Variants in CHSY3 observed in about 807,000 individuals in gnomAD.
CHSY3 encodes N-acetylgalactosaminyl-proteoglycan 3-beta-glucuronosyltransferase 3.
In CHSY3, 35 loss-of-function variants were observed where a neutral mutation model predicts 67.2. The ratio of observed to expected loss-of-function variants is 0.52; its 90% CI spans 0.40 to 0.69. The LOEUF is 0.69. Ranked by LOEUF, CHSY3 falls within the 30% of genes least tolerant of loss-of-function variation. The pLI is 0.00. For missense variants in CHSY3, 1,069 were observed against 1,138.5 expected, an observed-to-expected ratio of 0.94 and a Z score of 0.88; for synonymous variants, 474 against 434.7, an observed-to-expected ratio of 1.09 and a Z score of -1.12.
At chr5:130,074,085 T>A (rs1293365105) in intron 2 of CHSY3, among the ~76,000 whole-genome samples, 2 of 152,174 alleles carry the variant, frequency 1.3e-5, no homozygotes, top group Non-Finnish European at 2.9e-5. Flanking sequence ...TTTTGTTTTT[T>A]TTTGAGACAG....
In CHSY3 at chr5:130,022,294, G is replaced by A. The variant is rs199699420; in HGVS notation, c.1086+113934G>A. Among the ~76,000 whole-genome samples the A allele has an allele frequency of 1.6e-4, 24 of 152,024 alleles. No homozygotes were observed. In the East Asian group the frequency reaches 2.5e-3, roughly 16 times the overall value. ...TCACACTATTCTGTAGCATAGTTAC[G>A]TTGTTAGCATATATTAGCATTAACT... On this transcript the variant is annotated intron_variant, in intron 2 of 2. Coordinates refer to ENST00000305031, the MANE Select transcript of CHSY3 (RefSeq NM_175856.5).
chr5:129,944,362 G>T (rs1371017996), intron 2 of CHSY3, among the ~76,000 whole-genome samples: 1 of 151,534 alleles, frequency 6.6e-6, no homozygotes, highest in African/African-American at 2.4e-5. Context: ...TAAATTGCCT[G>T]TGATAAAGTC....
chr5:129,960,944 G>A (rs1349138909), intron 2 of CHSY3, among the ~76,000 whole-genome samples: 1 of 152,008 alleles, frequency 6.6e-6, no homozygotes, highest in Non-Finnish European at 1.5e-5. Context: ...TCTGAAAGCC[G>A]TGTCCACCAG....
intron 2 of CHSY3, among the ~76,000 whole-genome samples, chr5:129,941,339 A>G (rs1375834047): frequency 6.6e-6 from 1 of 152,214 alleles, no homozygotes; most frequent in East Asian, 1.9e-4. Context: ...CAAATGTATT[A>G]TTTACGTAAA....
rs1407907716 is a variant in CHSY3 at position 129,905,360 on chromosome 5, G to A, written c.531G>A (p.Val177=). The A allele has an allele frequency of 6.3e-7, 1 of 1,576,152 alleles. No individual in the cohort carries two copies. Residue 177 remains valine, a synonymous_variant, in exon 1 of 3, where the codon GTG becomes GTA. Coordinates refer to ENST00000305031, the MANE Select transcript of CHSY3 (RefSeq NM_175856.5). ...ARPRDFLYVG[V]MTAQKYLGSR... is the part of the protein sequence containing the mutation. ...CCCGGGACTTCCTGTACGTGGGGGTGATGACCGCGCAGAAGTACCTGGGCA... is the reference window on the plus strand; with the variant it reads ...CCCGGGACTTCCTGTACGTGGGGGTAATGACCGCGCAGAAGTACCTGGGCA...
chr5:129,952,418 C>T (rs762080464), intron 2 of CHSY3, among the ~76,000 whole-genome samples: 1 of 152,136 alleles, frequency 6.6e-6, no homozygotes, highest in Non-Finnish European at 1.5e-5. Flanking sequence ...AATATATTTA[C>T]ATAAGCAGTG....
At chr5:130,133,771 T>TAAAAAAAAAAAAAA (rs758023976) in intron 2 of CHSY3, among the ~76,000 whole-genome samples, 21 of 58,088 alleles carry the variant, frequency 3.6e-4, no homozygotes, top group African/African-American at 7.6e-4. Flanking sequence ...GACTCCGTCT[T>TAAAAAAAAAAAAAA]AAAAAAAAAA....
At chr5:129,962,775 G>A (rs1762369185) in intron 2 of CHSY3, among the ~76,000 whole-genome samples, 1 of 151,954 alleles carries the variant, frequency 6.6e-6, no homozygotes, top group Admixed American at 6.6e-5. Context: ...TAACTTGATG[G>A]CTGAATTCCG....
chr5:129,991,593 A>C (rs77583493), intron 2 of CHSY3, among the ~76,000 whole-genome samples: 1,627 of 152,258 alleles, frequency 0.011, 28 homozygotes, highest in African/African-American at 0.037. Flanking sequence ...AGTTTGTCCT[A>C]AAGTTGAGTG....
At chr5:130,070,278 T>C (rs1310897511) in intron 2 of CHSY3, among the ~76,000 whole-genome samples, 4 of 152,136 alleles carry the variant, frequency 2.6e-5, no homozygotes, top group Non-Finnish European at 5.9e-5. Flanking sequence ...TTCATTGTCA[T>C]AAAATGTTAA....
intron 2 of CHSY3, chr5:130,140,768 C>G (rs971642234): frequency 1.3e-5 from 3 of 237,378 alleles, no homozygotes; most frequent in African/African-American, 7.0e-5. Context: ...CAAGCACAAG[C>G]ACAAGAAGGA....
intron 2 of CHSY3, among the ~76,000 whole-genome samples, chr5:129,979,476 C>G (rs772923918): frequency 6.6e-6 from 1 of 151,810 alleles, no homozygotes; most frequent in African/African-American, 2.4e-5. Flanking sequence ...ATTTTTAGAA[C>G]AGTTTTTTCT....
At chr5:129,971,818 TG>T (rs1762647370) in intron 2 of CHSY3, among the ~76,000 whole-genome samples, 1 of 152,038 alleles carries the variant, frequency 6.6e-6, no homozygotes, top group African/African-American at 2.4e-5. Flanking sequence ...GGCACTGAAC[TG>T]AGAACTAGAG....
chr5:130,033,362 G>A (rs763841382), intron 2 of CHSY3, among the ~76,000 whole-genome samples: 6 of 151,950 alleles, frequency 3.9e-5, no homozygotes, highest in Non-Finnish European at 8.8e-5. Context: ...TCCCTCACTT[G>A]CCAGAGGTAG....
At chr5:130,036,348 T>C (rs1235485828) in intron 2 of CHSY3, among the ~76,000 whole-genome samples, 2 of 152,154 alleles carry the variant, frequency 1.3e-5, no homozygotes, top group South Asian at 2.1e-4. Context: ...CTAGTATATC[T>C]CTTCCATAAC....
rs527300961 is a variant in CHSY3 at position 129,904,696 on chromosome 5, C to G, written c.-134C>G. On this transcript the variant is annotated 5_prime_UTR_variant, in exon 1 of 3. Transcript: ENST00000305031. ...CGTCCGCGGCGCTTCGACCTCCAGC[C>G]GGTGTCGGCGCCTAGGCGGCCGGCT... The G allele has an allele frequency of 1.1e-5, 13 of 1,206,428 alleles. No homozygotes were observed. The highest frequency in any genetic ancestry group is 1.6e-5 in the African/African-American group (1 of 63,388). 74.7% of individuals were successfully genotyped at this position (1,206,428 alleles called of 1,614,324 possible). A position where few individuals can be genotyped will look rare whatever the true frequency, so the allele number is the denominator to read the frequency against.
intron 2 of CHSY3, among the ~76,000 whole-genome samples, chr5:130,127,811 T>C (rs989399584): frequency 2.0e-5 from 3 of 152,196 alleles, no homozygotes; most frequent in Non-Finnish European, 4.4e-5. Flanking sequence ...TTCTAAAGAA[T>C]ATTATTTTAG....
In CHSY3 at chr5:129,904,579, C is replaced by T; in HGVS notation, c.-251C>T. 1 of 468,680 alleles carries T rather than the reference C, an allele frequency of 2.1e-6. No individual in the cohort carries two copies. Among genetic ancestry groups the T allele is most frequent in the Non-Finnish European group, 3.3e-6 (1 of 307,162 alleles). 29.0% of individuals were successfully genotyped at this position (468,680 alleles called of 1,614,324 possible). ...CCGCCGCTGCCGCCACCGCCGCCGCCGGGAGAAGTTTCACTCCCGACCCTT... is the reference window on the plus strand; with the variant it reads ...CCGCCGCTGCCGCCACCGCCGCCGCTGGGAGAAGTTTCACTCCCGACCCTT... On this transcript the variant is annotated 5_prime_UTR_variant, in exon 1 of 3. Transcript: ENST00000305031.
At chr5:130,064,204 C>T (rs539112371) in intron 2 of CHSY3, among the ~76,000 whole-genome samples, 2 of 152,182 alleles carry the variant, frequency 1.3e-5, no homozygotes, top group South Asian at 4.1e-4. Flanking sequence ...AGATGATAGA[C>T]ATTCCCAACT....
Sources: allele counts gnomAD v4.1 joint callset (sites outside exome capture counted in the v4.1 genomes callset), GRCh38; gene constraint gnomAD v4.1.1; transcripts MANE v1.5; gene names NCBI Gene and HGNC (gene_info 2026-07-23, HGNC 2026-07-21).